Variants in DLGAP2 observed in about 807,000 individuals in gnomAD.
DLGAP2 encodes the protein DLG associated protein 2, also known as disks large-associated protein 2.
DLGAP2 carries 26 observed loss-of-function variants against 100.3 expected under a neutral mutation model. That is an observed-to-expected ratio of 0.26 (90% CI 0.19 to 0.36). The LOEUF (loss-of-function observed/expected upper bound fraction) is 0.36. Ranked by LOEUF, DLGAP2 falls within the 10% of genes least tolerant of loss-of-function variation. The pLI is 1.00. For missense variants in DLGAP2, 1,858 were observed against 1,453.2 expected (o/e 1.28, Z -4.53); for synonymous variants, 886 against 630.1 (o/e 1.41, Z -6.08).
At chr8:883,985 G>C (rs1285177912) in intron 1 of DLGAP2, among the ~76,000 whole-genome samples, 1 of 152,172 alleles carries the variant, frequency 6.6e-6, no homozygotes, top group Non-Finnish European at 1.5e-5. Flanking sequence ...GCTTTTTATA[G>C]CTGCATAGTA....
intron 4 of DLGAP2, among the ~76,000 whole-genome samples, chr8:1,525,925 C>T (rs75070461): frequency 0.013 from 1,913 of 152,200 alleles, 45 homozygotes; most frequent in African/African-American, 0.043. Flanking sequence ...CTAAGTATCC[C>T]TCTTCTGAAA....
intron 2 of DLGAP2, among the ~76,000 whole-genome samples, chr8:1,022,504 G>A (rs1479329726): frequency 6.7e-6 from 1 of 148,284 alleles, no homozygotes; most frequent in Non-Finnish European, 1.5e-5. Context: ...ACGGTCCCAT[G>A]CCGAGGTAGA....
intron 3 of DLGAP2, among the ~76,000 whole-genome samples, chr8:1,310,558 C>T (rs923665208): frequency 2.6e-5 from 4 of 152,178 alleles, no homozygotes; most frequent in African/African-American, 9.7e-5. Flanking sequence ...CTCAAGTGTA[C>T]ATGAAACATT....
chr8:1,688,814 G>T (rs956629974), intron 12 of DLGAP2, among the ~76,000 whole-genome samples: 3 of 152,202 alleles, frequency 2.0e-5, no homozygotes, highest in South Asian at 2.1e-4. Context: ...GGGAGGCACC[G>T]CACACACTGC....
At chr8:1,374,983 G>A (rs1027920081) in intron 3 of DLGAP2, among the ~76,000 whole-genome samples, 2 of 151,574 alleles carry the variant, frequency 1.3e-5, no homozygotes, top group Admixed American at 6.6e-5. Flanking sequence ...CAATACCACA[G>A]CCGGGGCGCT....
At chr8:987,814 C>T (rs949830342) in intron 2 of DLGAP2, among the ~76,000 whole-genome samples, 2 of 152,184 alleles carry the variant, frequency 1.3e-5, no homozygotes, top group Non-Finnish European at 2.9e-5. Context: ...CTGGCTTCTT[C>T]CCCAGTTTCC....
At chr8:1,045,029 T>C (rs1802478498) in intron 2 of DLGAP2, among the ~76,000 whole-genome samples, 1 of 152,198 alleles carries the variant, frequency 6.6e-6, no homozygotes, top group South Asian at 2.1e-4. Context: ...GCACACATGA[T>C]AAGTGAGCAG....
intron 2 of DLGAP2, among the ~76,000 whole-genome samples, chr8:1,082,135 A>G (rs539420609): frequency 2.0e-5 from 3 of 152,302 alleles, no homozygotes; most frequent in South Asian, 4.1e-4. Context: ...TGCAGTTTAC[A>G]TAGACACCTT....
chr8:1,007,588 G>C (rs1361738907), intron 2 of DLGAP2, among the ~76,000 whole-genome samples: 2 of 146,734 alleles, frequency 1.4e-5, no homozygotes, highest in Admixed American at 6.7e-5. Flanking sequence ...AAGGCTGAAG[G>C]CACCAGTGGT....
chr8:1,210,894 C>T (rs963265987), intron 2 of DLGAP2, among the ~76,000 whole-genome samples: 12 of 152,234 alleles, frequency 7.9e-5, no homozygotes, highest in Non-Finnish European at 1.5e-5. Context: ...GTCTGGGCAG[C>T]AATGTCCCTC....
chr8:1,580,860 TC>T (rs1374641928), intron 6 of DLGAP2, among the ~76,000 whole-genome samples: 1 of 135,686 alleles, frequency 7.4e-6, no homozygotes, highest in African/African-American at 2.9e-5. Context: ...CACACCATAG[TC>T]GAACTACCAG....
chr8:1,492,578 G>A (rs887207567), intron 3 of DLGAP2, among the ~76,000 whole-genome samples: 1 of 152,174 alleles, frequency 6.6e-6, no homozygotes, highest in Non-Finnish European at 1.5e-5. Flanking sequence ...TTGTCACTGC[G>A]CCTGCGCGGT....
intron 2 of DLGAP2, among the ~76,000 whole-genome samples, chr8:1,219,950 A>G (rs1585163318): frequency 6.6e-6 from 1 of 151,832 alleles, no homozygotes. Context: ...TGTGGAATCA[A>G]CAGTAATATC....
chr8:983,989 C>G (rs1288696194), intron 2 of DLGAP2, among the ~76,000 whole-genome samples: 1 of 152,098 alleles, frequency 6.6e-6, no homozygotes, highest in Non-Finnish European at 1.5e-5. Context: ...TCCAGGATTC[C>G]TGAGGAAGAG....
At chr8:1,101,577 A>C (rs2129043794) in intron 2 of DLGAP2, among the ~76,000 whole-genome samples, 1 of 152,238 alleles carries the variant, frequency 6.6e-6, no homozygotes, top group South Asian at 2.1e-4. Context: ...GGGAAGATGG[A>C]AGAGTTCCGG....
chr8:977,417 A>G (rs1251986596), intron 2 of DLGAP2, among the ~76,000 whole-genome samples: 1 of 152,240 alleles, frequency 6.6e-6, no homozygotes, highest in Non-Finnish European at 1.5e-5. Context: ...GGCACATGGC[A>G]ATGTGAGGTC....
chr8:858,206 A>G (rs956914945), intron 1 of DLGAP2, among the ~76,000 whole-genome samples: 5 of 152,242 alleles, frequency 3.3e-5, no homozygotes, highest in Non-Finnish European at 5.9e-5. Context: ...CCTTTAAAAG[A>G]TGAATGAATA....
chr8:1,511,274 A>G (rs963104157), intron 4 of DLGAP2, among the ~76,000 whole-genome samples: 3 of 148,392 alleles, frequency 2.0e-5, no homozygotes, highest in African/African-American at 2.5e-5. Flanking sequence ...GTGTAGGACA[A>G]TCAGTAGATG....
At chr8:1,558,809 A>T (rs576055077) in intron 5 of DLGAP2, among the ~76,000 whole-genome samples, 25 of 151,682 alleles carry the variant, frequency 1.6e-4, no homozygotes, top group African/African-American at 5.8e-4. Flanking sequence ...ACACACATAA[A>T]CACACATACG....
Sources: allele counts gnomAD v4.1 joint callset (sites outside exome capture counted in the v4.1 genomes callset), GRCh38; gene constraint gnomAD v4.1.1; transcripts MANE v1.5; gene names NCBI Gene and HGNC (gene_info 2026-07-23, HGNC 2026-07-21).